The following MAGI3 variants were observed in gnomAD, a reference collection of about 807,000 sequenced individuals.
MAGI3 encodes membrane-associated guanylate kinase, WW and PDZ domain-containing protein 3.
Under a neutral mutation model 121.8 loss-of-function variants are expected in MAGI3, and 43 were observed. That is an observed-to-expected ratio of 0.35 (90% CI 0.28 to 0.46). The LOEUF is 0.46. MAGI3 is among the 20% of genes least tolerant of loss of function. The probability of loss-of-function intolerance (pLI) is 1.00; values close to 1 mark genes in which losing one functional copy is unlikely to be tolerated. For missense variants in MAGI3, 1,547 were observed against 1,797.3 expected (o/e 0.86, Z 2.52); for synonymous variants, 553 against 639.3 (o/e 0.86, Z 2.04).
intron 1 of MAGI3, among the ~76,000 whole-genome samples, chr1:113,544,365 A>G (rs1032663339): frequency 6.6e-6 from 1 of 152,248 alleles, no homozygotes; most frequent in Non-Finnish European, 1.5e-5. Flanking sequence ...AAAGTCACCA[A>G]GTTGTCTTAC....
At chr1:113,648,575 G>T (rs1358101957) in intron 12 of MAGI3, among the ~76,000 whole-genome samples, 1 of 151,868 alleles carries the variant, frequency 6.6e-6, no homozygotes, top group Non-Finnish European at 1.5e-5. Context: ...GACAGTATGA[G>T]TTAGGAGATT....
intron 1 of MAGI3, among the ~76,000 whole-genome samples, chr1:113,489,169 G>GCCCCCCCCCCCCC (rs142365833): frequency 6.7e-6 from 1 of 148,290 alleles, no homozygotes; most frequent in Non-Finnish European, 1.5e-5. Flanking sequence ...AACACCTTAG[G>GCCCCCCCCCCCCC]CCCCCCCCGA....
rs546532529 is a variant in MAGI3, at chr1:113,676,305, C to T, written c.3189+2840C>T. On this transcript the variant is annotated intron_variant, in intron 19 of 20. Coordinates refer to ENST00000307546, the MANE Select transcript of MAGI3 (RefSeq NM_001142782.2). ...TCTCAGCCAGGAGTGGTGGCACATG[C>T]TTGTAATCCCAGCTACTTGGGAGGC... Among the ~76,000 whole-genome samples, 12 of 152,240 alleles carry T rather than the reference C, an allele frequency of 7.9e-5. No individual in the cohort carries two copies. In the East Asian group the frequency reaches 2.1e-3, roughly 27 times the overall value.
In MAGI3 at chr1:113,422,441, T is replaced by A. The variant is rs1652771496; in HGVS notation, c.316+31092T>A. On this transcript the variant is annotated intron_variant, in intron 1 of 20. Transcript: ENST00000307546. This position sits in a 1 kb window ranked among gnomAD's most constrained non-coding sequence, Gnocchi z 4.3. ...CCCACTTGGCCTGTCAGGCTGCGTT[T>A]GGCTCATGATGCCTGCCCGGATCCC... 6.6e-6 allele frequency among the ~76,000 whole-genome samples: 1 copy of A among 152,224 alleles called. No homozygotes were observed.
chr1:113,589,125 A>G (rs1648552765), intron 4 of MAGI3, among the ~76,000 whole-genome samples: 1 of 152,006 alleles, frequency 6.6e-6, no homozygotes, highest in African/African-American at 2.4e-5. Context: ...GTTTCTGTGT[A>G]GATGTGATGG....
chr1:113,482,080 T>G (rs898165023), intron 1 of MAGI3, among the ~76,000 whole-genome samples: 3 of 151,780 alleles, frequency 2.0e-5, no homozygotes, highest in Non-Finnish European at 2.9e-5. Flanking sequence ...TAATATAAAA[T>G]TAAATTTAAA....
chr1:113,610,928 A>G (rs1650092014), intron 6 of MAGI3, among the ~76,000 whole-genome samples: 1 of 151,740 alleles, frequency 6.6e-6, no homozygotes, highest in African/African-American at 2.4e-5. Context: ...GGAAGACTCC[A>G]TCTCAAAAAA....
At chr1:113,532,335 G>T (rs1439832042) in intron 1 of MAGI3, among the ~76,000 whole-genome samples, 1 of 151,402 alleles carries the variant, frequency 6.6e-6, no homozygotes, top group Non-Finnish European at 1.5e-5. Context: ...CTCCATGTCT[G>T]CAAATTCCCT....
chr1:113,640,937 TA>T (rs1209770333), intron 9 of MAGI3, among the ~76,000 whole-genome samples: 2 of 139,046 alleles, frequency 1.4e-5, no homozygotes, highest in Non-Finnish European at 3.0e-5. Context: ...ATATATCATA[TA>T]TATAAATATA....
At chr1:113,670,916 C>T (rs192903636) in intron 16 of MAGI3, among the ~76,000 whole-genome samples, 46 of 152,280 alleles carry the variant, frequency 3.0e-4, no homozygotes, top group Admixed American at 2.8e-3. Flanking sequence ...AGCTGTGCTC[C>T]CTCTGATACT....
chr1:113,598,979 G>A (rs1433958183), intron 6 of MAGI3, among the ~76,000 whole-genome samples: 2 of 152,120 alleles, frequency 1.3e-5, no homozygotes, highest in African/African-American at 4.8e-5. Context: ...GGCATTTAGT[G>A]CTATAAATTT....
intron 1 of MAGI3, among the ~76,000 whole-genome samples, chr1:113,404,980 AT>A (rs1651596553): frequency 6.6e-6 from 1 of 152,030 alleles, no homozygotes; most frequent in Non-Finnish European, 1.5e-5. Context: ...TTTACTTTTA[AT>A]TTTGTTTATT....
intron 2 of MAGI3, among the ~76,000 whole-genome samples, chr1:113,561,879 C>T (rs1031231683): frequency 4.6e-5 from 7 of 152,074 alleles, no homozygotes; most frequent in Non-Finnish European, 1.0e-4. Flanking sequence ...CGTTTCTGCC[C>T]AAAAGCTTCT....
intron 1 of MAGI3, among the ~76,000 whole-genome samples, chr1:113,509,452 C>G (rs1657508507): frequency 7.2e-6 from 1 of 139,732 alleles, no homozygotes; most frequent in Admixed American, 7.4e-5. Context: ...AATGCTGAGA[C>G]ATTTGTAATG....
At chr1:113,434,034 T>A (rs529084481) in intron 1 of MAGI3, among the ~76,000 whole-genome samples, 1 of 152,182 alleles carries the variant, frequency 6.6e-6, no homozygotes, top group Non-Finnish European at 1.5e-5. Context: ...CTGTTACCAA[T>A]TAATTGCCTC....
intron 6 of MAGI3, among the ~76,000 whole-genome samples, chr1:113,595,714 C>T (rs1021002986): frequency 4.6e-5 from 7 of 152,104 alleles, no homozygotes; most frequent in Non-Finnish European, 2.9e-5. Context: ...CTAAAAACTA[C>T]AAAACATAAT....
At chr1:113,420,982 C>G (rs776234917) in intron 1 of MAGI3, among the ~76,000 whole-genome samples, 1 of 151,798 alleles carries the variant, frequency 6.6e-6, no homozygotes, top group East Asian at 1.9e-4. Context: ...TTTCTCCATA[C>G]GTTTTTAATG....
At chr1:113,447,137 AAT>A (rs2101474635) in intron 1 of MAGI3, among the ~76,000 whole-genome samples, 1 of 152,334 alleles carries the variant, frequency 6.6e-6, no homozygotes, top group Admixed American at 6.5e-5. Flanking sequence ...AAAAATGATT[AAT>A]ATGTTAACTT....
At chr1:113,600,426 T>C (rs1294318571) in intron 6 of MAGI3, among the ~76,000 whole-genome samples, 30 of 150,668 alleles carry the variant, frequency 2.0e-4, no homozygotes, top group Admixed American at 7.9e-4. Flanking sequence ...TATACACCAA[T>C]AACAGACAAA....
Sources: gnomAD v4.1 joint callset for allele counts (sites outside exome capture counted in the v4.1 genomes callset) on GRCh38, gnomAD v4.1.1 for gene constraint, Gnocchi (gnomAD v3.1) non-coding constraint, MANE v1.5 for transcripts, NCBI Gene and HGNC (gene_info 2026-07-23, HGNC 2026-07-21) for gene names.